Variants in ARHGAP15 observed in about 807,000 individuals in gnomAD.
ARHGAP15 encodes the protein Rho GTPase activating protein 15, also known as rho GTPase-activating protein 15.
ARHGAP15 carries 51 observed loss-of-function variants against 63.7 expected under a neutral mutation model. The ratio of observed to expected loss-of-function variants is 0.80; its 90% CI spans 0.64 to 1.01. The LOEUF (loss-of-function observed/expected upper bound fraction) is 1.01. Among genes scored for constraint, ARHGAP15 ranks in the 50% least tolerant of loss-of-function variants. The pLI is 0.00. For missense variants in ARHGAP15, 560 were observed against 564.6 expected (o/e 0.99, Z 0.08); for synonymous variants, 191 against 193.8 (o/e 0.99, Z 0.12).
intron 11 of ARHGAP15, among the ~76,000 whole-genome samples, chr2:143,604,589 G>A (rs1697910384): frequency 1.3e-5 from 2 of 152,188 alleles, no homozygotes; most frequent in Non-Finnish European, 2.9e-5. Flanking sequence ...GGTAGTGACT[G>A]AGAGGTTCCC....
At chr2:143,183,301 A>C (rs1238279769) in intron 2 of ARHGAP15, among the ~76,000 whole-genome samples, 1 of 152,186 alleles carries the variant, frequency 6.6e-6, no homozygotes, top group East Asian at 1.9e-4. Context: ...AGGTATTGTA[A>C]TTTATTCATA....
chr2:143,267,480 C>T (rs1451242938), intron 6 of ARHGAP15, among the ~76,000 whole-genome samples: 1 of 152,060 alleles, frequency 6.6e-6, no homozygotes, highest in Admixed American at 6.6e-5. Context: ...AAATTTGCAT[C>T]AATAATTATT....
chr2:143,675,265 A>G (rs1682768801), intron 12 of ARHGAP15, among the ~76,000 whole-genome samples: 1 of 152,182 alleles, frequency 6.6e-6, no homozygotes, highest in South Asian at 2.1e-4. Flanking sequence ...TAGTTCCACC[A>G]CATCTACAGT....
intron 6 of ARHGAP15, among the ~76,000 whole-genome samples, chr2:143,342,087 A>G (rs1685082634): frequency 6.6e-6 from 1 of 152,116 alleles, no homozygotes; most frequent in South Asian, 2.1e-4. Flanking sequence ...CAAATACCAC[A>G]AGACTTATTG....
At chr2:143,662,376 TAACA>T (rs1280258177) in intron 12 of ARHGAP15, among the ~76,000 whole-genome samples, 1 of 145,104 alleles carries the variant, frequency 6.9e-6, no homozygotes, top group Non-Finnish European at 1.5e-5. Context: ...GAAGGAAAAC[TAACA>T]AACAGAAAGG....
intron 12 of ARHGAP15, among the ~76,000 whole-genome samples, chr2:143,670,463 C>T (rs971940387): frequency 1.3e-5 from 2 of 152,146 alleles, no homozygotes; most frequent in African/African-American, 4.8e-5. Context: ...CAGGGATCTA[C>T]CTAAGTGCAC....
intron 12 of ARHGAP15, among the ~76,000 whole-genome samples, chr2:143,664,281 C>G (rs559498845): frequency 5.1e-4 from 77 of 152,022 alleles, no homozygotes; most frequent in African/African-American, 1.8e-3. Context: ...AACCGCTCAA[C>G]TACATGGAAA....
intron 12 of ARHGAP15, among the ~76,000 whole-genome samples, chr2:143,672,666 C>T (rs1682585645): frequency 6.6e-6 from 1 of 152,176 alleles, no homozygotes; most frequent in South Asian, 2.1e-4. Context: ...GAGACTGGGC[C>T]TTCCTCCACT....
intron 6 of ARHGAP15, among the ~76,000 whole-genome samples, chr2:143,288,507 C>A (rs1682226416): frequency 6.6e-6 from 1 of 151,852 alleles, no homozygotes; most frequent in Non-Finnish European, 1.5e-5. Context: ...TTCTGAATAA[C>A]CTAAGGGCTA....
At chr2:143,458,131 A>G (rs186285214) in intron 8 of ARHGAP15, among the ~76,000 whole-genome samples, 160 of 152,302 alleles carry the variant, frequency 1.1e-3, no homozygotes, top group African/African-American at 3.5e-3. Flanking sequence ...AAAAACTAGA[A>G]TATTTGAACA....
Position 143,569,754 on chromosome 2 carries a change from T to A in ARHGAP15, c.1003+13269T>A, listed in dbSNP as rs183995691. 1.8e-3 allele frequency among the ~76,000 whole-genome samples: 280 copies of A among 152,312 alleles called. 2 individuals are homozygous for A. Among genetic ancestry groups the A allele is most frequent in the African/African-American group, 6.7e-3 (278 of 41,568 alleles). On this transcript the variant is annotated intron_variant, in intron 11 of 13. Transcript: ENST00000295095. ...ATTATTCCACTGGCTAAGAGAAGAA[T>A]GAATTGTAGGGGGAAAGAGTACATA...
intron 9 of ARHGAP15, among the ~76,000 whole-genome samples, chr2:143,498,618 T>C (rs1692924989): frequency 6.6e-6 from 1 of 152,206 alleles, no homozygotes; most frequent in African/African-American, 2.4e-5. Context: ...AAAAGAGTTC[T>C]GGGAATAGGC....
At chr2:143,625,712 C>G (rs1407087399) in intron 12 of ARHGAP15, among the ~76,000 whole-genome samples, 1 of 152,144 alleles carries the variant, frequency 6.6e-6, no homozygotes, top group African/African-American at 2.4e-5. Context: ...TTGGAACACC[C>G]AAGCAACTTA....
In ARHGAP15 at chr2:143,305,049, C is replaced by A. The variant is rs376666935; in HGVS notation, c.474+54449C>A. 1.2e-4 allele frequency among the ~76,000 whole-genome samples: 19 copies of A among 152,160 alleles called. No homozygotes were observed. In the South Asian group the frequency reaches 3.9e-3, roughly 32 times the overall value. On this transcript the variant is annotated intron_variant, in intron 6 of 13. Transcript: ENST00000295095. ...CACATATGTCTATTGTGGCACTGCT[C>A]ACGATAGCAAAGACTTGGAACCCAA... is the stretch of plus-strand genomic sequence containing the variant.
intron 2 of ARHGAP15, among the ~76,000 whole-genome samples, chr2:143,159,053 A>G (rs1690190591): frequency 6.6e-6 from 1 of 151,934 alleles, no homozygotes; most frequent in Non-Finnish European, 1.5e-5. Context: ...GTCTTAAGCA[A>G]CAACGTGTAT....
chr2:143,445,354 G>A (rs891202432), intron 8 of ARHGAP15, among the ~76,000 whole-genome samples: 3 of 151,626 alleles, frequency 2.0e-5, no homozygotes, highest in African/African-American at 4.8e-5. Flanking sequence ...GTAGAGATGC[G>A]ATTTCACTCT....
chr2:143,218,917 G>A (rs990802128), intron 4 of ARHGAP15, among the ~76,000 whole-genome samples: 2 of 152,188 alleles, frequency 1.3e-5, no homozygotes, highest in Non-Finnish European at 2.9e-5. Flanking sequence ...ATGATGTTAT[G>A]AAGACTACCA....
rs149217391 is a variant in ARHGAP15 at position 143,513,732 on chromosome 2, T to C, written c.827-5534T>C. 3.6e-3 allele frequency among the ~76,000 whole-genome samples: 544 copies of C among 152,348 alleles called. 3 individuals carry two copies. Among genetic ancestry groups the C allele is most frequent in the African/African-American group, 0.013 (523 of 41,570 alleles). On this transcript the variant is annotated intron_variant, in intron 9 of 13. Transcript: ENST00000295095. ...CTCAAGACCCTCAAGTAACTGCATC[T>C]CTGTCTTCTCCAGTCAAGCAAGGAA...
chr2:143,338,168 TAGG>T (rs1376608971), intron 6 of ARHGAP15, among the ~76,000 whole-genome samples: 1 of 152,122 alleles, frequency 6.6e-6, no homozygotes, highest in Non-Finnish European at 1.5e-5. Context: ...ATAACTTACT[TAGG>T]AGTATACCAG....
Sources: gnomAD v4.1 joint callset for allele counts (sites outside exome capture counted in the v4.1 genomes callset) on GRCh38, gnomAD v4.1.1 for gene constraint, MANE v1.5 for transcripts, NCBI Gene and HGNC (gene_info 2026-07-23, HGNC 2026-07-21) for gene names.